The following ADAMTS16 variants were observed in gnomAD, a reference collection of about 807,000 sequenced individuals.
ADAMTS16 encodes the protein ADAM metallopeptidase with thrombospondin type 1 motif 16, also known as A disintegrin and metalloproteinase with thrombospondin motifs 16.
A neutral mutation model predicts 145.8 loss-of-function variants in ADAMTS16; 94 were observed. The observed-to-expected ratio is 0.64, with a 90% CI of 0.55 to 0.77. The LOEUF is 0.77. Among genes scored for constraint, ADAMTS16 ranks in the 30% least tolerant of loss-of-function variants. ADAMTS16 has a pLI of 0.00. For missense variants in ADAMTS16, 1,585 were observed against 1,591.5 expected (o/e 1.00, Z 0.07); for synonymous variants, 659 against 604.3 (o/e 1.09, Z -1.33).
intron 3 of ADAMTS16, among the ~76,000 whole-genome samples, chr5:5,149,536 G>A (rs1734394209): frequency 6.6e-6 from 1 of 152,188 alleles, no homozygotes; most frequent in Non-Finnish European, 1.5e-5. Flanking sequence ...TTTTAAAACA[G>A]CTTTATTGAG....
chr5:5,174,138 G>A (rs1282228921), intron 3 of ADAMTS16, among the ~76,000 whole-genome samples: 1 of 152,108 alleles, frequency 6.6e-6, no homozygotes, highest in Non-Finnish European at 1.5e-5. Flanking sequence ...CAGGTCTGGT[G>A]TTGATTAAAT....
intron 17 of ADAMTS16, among the ~76,000 whole-genome samples, chr5:5,254,011 C>A (rs971593477): frequency 2.0e-4 from 30 of 152,322 alleles, no homozygotes; most frequent in African/African-American, 7.0e-4. Flanking sequence ...TCTGTTCTCT[C>A]GTCAGTCCTA....
intron 8 of ADAMTS16, among the ~76,000 whole-genome samples, chr5:5,197,834 A>T (rs1394351236): frequency 6.6e-6 from 1 of 152,154 alleles, no homozygotes; most frequent in Non-Finnish European, 1.5e-5. Flanking sequence ...ACAAATTGTG[A>T]AATAGTGGTG....
chr5:5,153,433 A>G (rs773356152), intron 3 of ADAMTS16, among the ~76,000 whole-genome samples: 2 of 152,156 alleles, frequency 1.3e-5, no homozygotes, highest in Non-Finnish European at 2.9e-5. Flanking sequence ...TGTATTTCCA[A>G]TTTACAAACA....
intron 13 of ADAMTS16, among the ~76,000 whole-genome samples, chr5:5,236,174 A>C (rs183551356): frequency 6.6e-6 from 1 of 152,316 alleles, no homozygotes; most frequent in East Asian, 1.9e-4. Flanking sequence ...CACACACTAA[A>C]TTTGATTCTT....
intron 20 of ADAMTS16, among the ~76,000 whole-genome samples, chr5:5,305,122 CCCCACACCACACACACACAT>C (rs1561000460): frequency 5.8e-5 from 2 of 34,570 alleles, no homozygotes; most frequent in South Asian, 1.2e-3. Flanking sequence ...CACACACACA[CCCCACACCACACACACACAT>C]CCCACACCAC....
At chr5:5,218,870 A>G (rs1471710399) in intron 10 of ADAMTS16, among the ~76,000 whole-genome samples, 1 of 152,070 alleles carries the variant, frequency 6.6e-6, no homozygotes, top group African/African-American at 2.4e-5. Flanking sequence ...CACGTCATTC[A>G]TCTTTCCACC....
chr5:5,151,665 C>T (rs1351129460), intron 3 of ADAMTS16, among the ~76,000 whole-genome samples: 2 of 147,744 alleles, frequency 1.4e-5, no homozygotes, highest in Non-Finnish European at 3.0e-5. Context: ...TCCATTATTT[C>T]CCATAGTTCC....
At chr5:5,170,433 C>T (rs1259016893) in intron 3 of ADAMTS16, among the ~76,000 whole-genome samples, 1 of 152,082 alleles carries the variant, frequency 6.6e-6, no homozygotes, top group African/African-American at 2.4e-5. Flanking sequence ...GGCTGGAGTG[C>T]AATGGCGCGA....
At chr5:5,187,917 C>A in intron 6 of ADAMTS16, 109 bp downstream of exon 6, 1 of 658,554 alleles carries the variant, frequency 1.5e-6, no homozygotes, top group Non-Finnish European at 2.5e-6. Flanking sequence ...CTCTCGAGGG[C>A]AAAATGTATT....
intron 10 of ADAMTS16, among the ~76,000 whole-genome samples, chr5:5,217,065 A>G (rs1292481835): frequency 1.3e-5 from 2 of 152,112 alleles, no homozygotes; most frequent in African/African-American, 4.8e-5. Flanking sequence ...CGCAATAAAC[A>G]TACTTTGACA....
At chr5:5,284,968 C>G (rs563340643) in intron 18 of ADAMTS16, among the ~76,000 whole-genome samples, 1 of 152,096 alleles carries the variant, frequency 6.6e-6, no homozygotes, top group Non-Finnish European at 1.5e-5. Context: ...TTTATGGAAC[C>G]AATACCAATG....
intron 17 of ADAMTS16, among the ~76,000 whole-genome samples, chr5:5,247,351 C>T (rs1479702254): frequency 7.0e-6 from 1 of 142,776 alleles, no homozygotes; most frequent in Non-Finnish European, 1.6e-5. Context: ...AAATATATTA[C>T]CCCCCCGCCC....
chr5:5,231,495 A>G (rs940305602), intron 11 of ADAMTS16, among the ~76,000 whole-genome samples: 7 of 151,552 alleles, frequency 4.6e-5, no homozygotes, highest in Non-Finnish European at 7.4e-5. Context: ...AAGGGACTTG[A>G]CTTCAGGTCT....
chr5:5,251,100 T>C (rs1737610872), intron 17 of ADAMTS16, among the ~76,000 whole-genome samples: 1 of 152,048 alleles, frequency 6.6e-6, no homozygotes, highest in Non-Finnish European at 1.5e-5. Flanking sequence ...AATTTGCAAG[T>C]TTTGGGCATG....
rs1734205625 is a variant in ADAMTS16, at chr5:5,319,653, C to G, written c.*515C>G. 1 of 350,610 alleles carries G rather than the reference C, an allele frequency of 2.9e-6. No individual in the cohort carries two copies. The highest frequency in any genetic ancestry group is 4.2e-5 in the Admixed American group (1 of 24,086). 21.7% of individuals were successfully genotyped at this position (350,610 alleles called of 1,614,324 possible). A position where few individuals can be genotyped will look rare whatever the true frequency, so the allele number is the denominator to read the frequency against. ...AGGTCAGGGGAGCTCCAGGAGGCTG[C>G]CCAGGCTCCTCCTCCTCCTCCCCAG... On this transcript the variant is annotated 3_prime_UTR_variant, in exon 23 of 23. Coordinates refer to ENST00000274181, the MANE Select transcript of ADAMTS16 (RefSeq NM_139056.4).
At chr5:5,154,021 C>T (rs945082888) in intron 3 of ADAMTS16, among the ~76,000 whole-genome samples, 1 of 149,542 alleles carries the variant, frequency 6.7e-6, no homozygotes, top group African/African-American at 2.4e-5. Flanking sequence ...CCTGGAAATT[C>T]TAGTCATTGA....
intron 18 of ADAMTS16, among the ~76,000 whole-genome samples, chr5:5,301,563 C>T (rs2126508265): frequency 6.6e-6 from 1 of 152,334 alleles, no homozygotes; most frequent in Non-Finnish European, 1.5e-5. Flanking sequence ...CTTGGGTCCA[C>T]AAATGCCATT....
intron 4 of ADAMTS16, among the ~76,000 whole-genome samples, chr5:5,183,827 ATAG>A (rs1485412399): frequency 1.3e-5 from 2 of 152,194 alleles, no homozygotes; most frequent in African/African-American, 2.4e-5. Flanking sequence ...CAGAATTGTA[ATAG>A]TGGTGGTAAG....
Sources: gnomAD v4.1 joint callset for allele counts (sites outside exome capture counted in the v4.1 genomes callset) on GRCh38, gnomAD v4.1.1 for gene constraint, MANE v1.5 for transcripts, NCBI Gene and HGNC (gene_info 2026-07-23, HGNC 2026-07-21) for gene names.